Variants in ZCWPW2 observed in about 807,000 individuals in gnomAD.
ZCWPW2 encodes zinc finger CW-type PWWP domain protein 2.
Under a neutral mutation model 46.6 loss-of-function variants are expected in ZCWPW2, and 45 were observed. The observed-to-expected ratio is 0.96, with a 90% CI of 0.76 to 1.24. ZCWPW2 has a LOEUF of 1.24. ZCWPW2 is among the 50% of genes most tolerant of loss of function. The probability of loss-of-function intolerance (pLI) is 0.00; values close to 1 mark genes in which losing one functional copy is unlikely to be tolerated. For synonymous variants in ZCWPW2, 152 were observed against 137.1 expected, an observed-to-expected ratio of 1.11 and a Z score of -0.76; for missense variants, 429 against 403.9, an observed-to-expected ratio of 1.06 and a Z score of -0.53.
At chr3:28,421,730 A>G (rs1311211640) in intron 3 of ZCWPW2, among the ~76,000 whole-genome samples, 1 of 149,202 alleles carries the variant, frequency 6.7e-6, no homozygotes, top group Non-Finnish European at 1.5e-5. Context: ...GAATCTTTTT[A>G]TGTTTTTTTT....
chr3:28,357,988 ATG>A (rs1042420628), intron 1 of ZCWPW2, among the ~76,000 whole-genome samples: 2 of 151,684 alleles, frequency 1.3e-5, no homozygotes, highest in Non-Finnish European at 2.9e-5. Flanking sequence ...TCCCTCAAAA[ATG>A]TGTTATTTAT....
chr3:28,414,043 A>C (rs931307574), intron 3 of ZCWPW2, among the ~76,000 whole-genome samples: 13 of 152,010 alleles, frequency 8.6e-5, no homozygotes, highest in Non-Finnish European at 1.3e-4. Flanking sequence ...ATATAACTTC[A>C]AGTCTTATTT....
intron 2 of ZCWPW2, among the ~76,000 whole-genome samples, chr3:28,409,301 G>A (rs1246692090): frequency 6.6e-6 from 1 of 151,712 alleles, no homozygotes; most frequent in Non-Finnish European, 1.5e-5. Flanking sequence ...TGTATTTTCA[G>A]TAGAGGCTGG....
chr3:28,400,693 C>T (rs1302971926), intron 2 of ZCWPW2, among the ~76,000 whole-genome samples: 4 of 152,164 alleles, frequency 2.6e-5, no homozygotes, highest in Non-Finnish European at 5.9e-5. Flanking sequence ...CAAAACTAAG[C>T]TTCATATATG....
intron 4 of ZCWPW2, chr3:28,460,963 T>C: frequency 3.9e-6 from 1 of 257,564 alleles, no homozygotes; most frequent in South Asian, 3.7e-5. Flanking sequence ...TTTTTATTTC[T>C]TTAGATTATG....
chr3:28,491,585 G>A (rs1699813452), intron 5 of ZCWPW2, among the ~76,000 whole-genome samples: 1 of 152,002 alleles, frequency 6.6e-6, no homozygotes, highest in African/African-American at 2.4e-5. Context: ...AGACATTCTG[G>A]AAAAATTAGA....
chr3:28,439,368 T>A (rs1482035727), intron 4 of ZCWPW2, among the ~76,000 whole-genome samples: 1 of 152,048 alleles, frequency 6.6e-6, no homozygotes, highest in Non-Finnish European at 1.5e-5. Flanking sequence ...CTTTTCACAT[T>A]TGTCTGCCTG....
chr3:28,523,104 A>T (rs995307319), intron 9 of ZCWPW2, among the ~76,000 whole-genome samples: 12 of 152,190 alleles, frequency 7.9e-5, no homozygotes, highest in African/African-American at 2.9e-4. Flanking sequence ...TTAACCCATC[A>T]CCAGGCAGGA....
At chr3:28,396,115 T>C (rs1010680161) in intron 2 of ZCWPW2, among the ~76,000 whole-genome samples, 1 of 152,144 alleles carries the variant, frequency 6.6e-6, no homozygotes, top group African/African-American at 2.4e-5. Flanking sequence ...AAAGCCAGAA[T>C]GGATAAATCA....
At chr3:28,491,106 A>T (rs1278333356) in intron 5 of ZCWPW2, among the ~76,000 whole-genome samples, 2 of 152,152 alleles carry the variant, frequency 1.3e-5, no homozygotes, top group African/African-American at 4.8e-5. Context: ...ATGGCTTTAT[A>T]TGACTATGAT....
intron 4 of ZCWPW2, among the ~76,000 whole-genome samples, chr3:28,451,817 C>T (rs957979670): frequency 3.9e-5 from 6 of 152,026 alleles, no homozygotes; most frequent in Admixed American, 6.6e-5. Context: ...ATTTATTAGC[C>T]GACACACTGG....
chr3:28,419,958 A>G (rs1481025411), intron 3 of ZCWPW2, among the ~76,000 whole-genome samples: 6 of 136,634 alleles, frequency 4.4e-5, no homozygotes, highest in East Asian at 4.4e-4. Flanking sequence ...TAGCATTCGG[A>G]GATATACCTA....
chr3:28,349,252 A>G (rs527649859), intron 1 of ZCWPW2, 49 bp downstream of exon 1: 82 of 969,838 alleles, frequency 8.5e-5, no homozygotes, highest in Admixed American at 3.7e-4. Context: ...GTCCCCCTTC[A>G]GGGGCGCCCT....
chr3:28,391,153 GCA>G (rs1695471384), intron 2 of ZCWPW2, among the ~76,000 whole-genome samples: 1 of 152,148 alleles, frequency 6.6e-6, no homozygotes, highest in African/African-American at 2.4e-5. Context: ...AGCACATACT[GCA>G]AAGTAGATAA....
At chr3:28,392,434 A>G (rs1303174226) in intron 2 of ZCWPW2, among the ~76,000 whole-genome samples, 1 of 152,196 alleles carries the variant, frequency 6.6e-6, no homozygotes, top group Non-Finnish European at 1.5e-5. Flanking sequence ...ATAAGGAAAC[A>G]CTGAACTTAT....
intron 9 of ZCWPW2, 69 bp from the exon 10 acceptor site, chr3:28,524,458 A>T: frequency 6.6e-7 from 1 of 1,521,084 alleles, no homozygotes; most frequent in Non-Finnish European, 8.9e-7. Context: ...CAGAATTACT[A>T]CTTTATGTTT....
intron 4 of ZCWPW2, among the ~76,000 whole-genome samples, chr3:28,453,787 A>G (rs1698314074): frequency 6.7e-6 from 1 of 149,616 alleles, no homozygotes; most frequent in Admixed American, 6.6e-5. Flanking sequence ...GTGAAAGTTT[A>G]TAATTGTGTA....
chr3:28,357,240 A>C (rs1704771887), intron 1 of ZCWPW2, among the ~76,000 whole-genome samples: 1 of 152,242 alleles, frequency 6.6e-6, no homozygotes, highest in African/African-American at 2.4e-5. Flanking sequence ...ATTAAAGTTC[A>C]TTAAGATCTA....
intron 4 of ZCWPW2, among the ~76,000 whole-genome samples, chr3:28,470,076 A>G (rs947754850): frequency 6.6e-6 from 1 of 152,244 alleles, no homozygotes; most frequent in Non-Finnish European, 1.5e-5. Context: ...TATGTCAGGT[A>G]TCTTCTCTTA....
Sources: allele counts gnomAD v4.1 joint callset (sites outside exome capture counted in the v4.1 genomes callset), GRCh38; gene constraint gnomAD v4.1.1; transcripts MANE v1.5; gene names NCBI Gene and HGNC (gene_info 2026-07-23, HGNC 2026-07-21).